STXBP6: variants seen among roughly 807,000 people sequenced by gnomAD.
STXBP6 encodes the protein syntaxin-binding protein 6.
In STXBP6, 21 loss-of-function variants were observed where a neutral mutation model predicts 26.9. The ratio of observed to expected loss-of-function variants is 0.78; its 90% CI spans 0.55 to 1.12. STXBP6 has a LOEUF of 1.12. Ranked by LOEUF, STXBP6 falls within the 50% of genes most tolerant of loss-of-function variation. The pLI is 0.00. For synonymous variants in STXBP6, 97 were observed against 92.6 expected (o/e 1.05, Z -0.27); for missense variants, 232 against 257.9 (o/e 0.90, Z 0.69).
chr14:24,977,131 TG>T (rs2074069920), intron 1 of STXBP6, among the ~76,000 whole-genome samples: 1 of 148,872 alleles, frequency 6.7e-6, no homozygotes, highest in Non-Finnish European at 1.5e-5. Flanking sequence ...CCCTACGTGC[TG>T]GGATTACAGG....
intron 2 of STXBP6, among the ~76,000 whole-genome samples, chr14:24,892,637 C>A (rs2139549474): frequency 6.6e-6 from 1 of 152,330 alleles, no homozygotes; most frequent in South Asian, 2.1e-4. Flanking sequence ...TCGGAGCAGA[C>A]TGCCAGAGCA....
At chr14:24,919,794 A>T (rs2139803181) in intron 2 of STXBP6, among the ~76,000 whole-genome samples, 1 of 152,128 alleles carries the variant, frequency 6.6e-6, no homozygotes, top group South Asian at 2.1e-4. Flanking sequence ...GTATGTACTT[A>T]AGGATGGTGT....
At chr14:24,852,952 C>T (rs772309891) in intron 4 of STXBP6, among the ~76,000 whole-genome samples, 1 of 152,078 alleles carries the variant, frequency 6.6e-6, no homozygotes, top group Non-Finnish European at 1.5e-5. Flanking sequence ...GCTATTTGAT[C>T]TCTCTGATTC....
chr14:24,821,745 A>G (rs1053732688), intron 4 of STXBP6, among the ~76,000 whole-genome samples: 1 of 152,178 alleles, frequency 6.6e-6, no homozygotes, highest in Non-Finnish European at 1.5e-5. Context: ...TTAATTAAGT[A>G]CAATCACGGG....
chr14:25,049,522 T>C lies in STXBP6; in HGVS notation c.-33+356A>G, dbSNP rs114746317. 5,779 of 985,290 alleles carry C rather than the reference T, an allele frequency of 5.9e-3. 249 individuals are homozygous for C. In the African/African-American group the frequency reaches 0.091, roughly 15 times the overall value. The allele number at this position is 985,290 out of a possible 1,614,324, so 61.0% of individuals were successfully genotyped here. On this transcript the variant is annotated intron_variant, in intron 1 of 5. Transcript: ENST00000323944. The surrounding 1 kb of genome is among the most constrained non-coding windows in gnomAD (Gnocchi z 5.6). ...CTCGGGGCAGCATTCTCGGGGCCCA[T>C]GCCATCGCGGGGACGGTGCGGAAAA...
chr14:24,925,964 A>G (rs761689957), intron 2 of STXBP6, among the ~76,000 whole-genome samples: 4 of 152,140 alleles, frequency 2.6e-5, no homozygotes, highest in Non-Finnish European at 5.9e-5. Context: ...CCTTTCCTAG[A>G]AAACTGGGAA....
At position 25,002,359 on chromosome 14, in the gene STXBP6, CT is replaced by C. The variant is rs747010332; in HGVS notation, c.-32-27510del. Among the ~76,000 whole-genome samples, 559 of 121,326 alleles carry C rather than the reference CT, an allele frequency of 4.6e-3. 9 individuals carry two copies. Among genetic ancestry groups the C allele is most frequent in the Middle Eastern group, 9.1e-3 (2 of 220 alleles). 79.6% of individuals were successfully genotyped at this position (121,326 alleles called of 152,430 possible). A position where few individuals can be genotyped will look rare whatever the true frequency, so the allele number is the denominator to read the frequency against. ...ATCCCATACAGTTAAATTCTTATGACTTTTTTTTTTTTTTTTTTGAGACACA... is the reference window on the plus strand; with the variant it reads ...ATCCCATACAGTTAAATTCTTATGACTTTTTTTTTTTTTTTTTGAGACACA... On this transcript the variant is annotated intron_variant, in intron 1 of 5. Coordinates refer to ENST00000323944, the MANE Select transcript of STXBP6 (RefSeq NM_001394410.1).
chr14:24,821,913 C>T (rs997644291), intron 4 of STXBP6, among the ~76,000 whole-genome samples: 1 of 152,074 alleles, frequency 6.6e-6, no homozygotes, highest in Non-Finnish European at 1.5e-5. Flanking sequence ...TTATTTTCTT[C>T]TATCTGGGAT....
At chr14:24,889,492 C>T (rs1036203352) in intron 2 of STXBP6, among the ~76,000 whole-genome samples, 2 of 149,114 alleles carry the variant, frequency 1.3e-5, no homozygotes, top group African/African-American at 5.0e-5. Flanking sequence ...GTGCAGCACA[C>T]CAACATGGCA....
At chr14:24,880,853 A>G (rs2070331359) in intron 2 of STXBP6, among the ~76,000 whole-genome samples, 2 of 152,238 alleles carry the variant, frequency 1.3e-5, no homozygotes, top group South Asian at 4.1e-4. Flanking sequence ...AAGAGTTAGC[A>G]GAACAGCACT....
At chr14:24,939,461 CTT>C (rs35988306) in intron 2 of STXBP6, among the ~76,000 whole-genome samples, 40 of 145,412 alleles carry the variant, frequency 2.8e-4, no homozygotes, top group Admixed American at 5.5e-4. Context: ...TCTACATTAC[CTT>C]TTTTTTTTTT....
intron 4 of STXBP6, among the ~76,000 whole-genome samples, chr14:24,831,173 C>T (rs2068444959): frequency 6.6e-6 from 1 of 151,952 alleles, no homozygotes; most frequent in African/African-American, 2.4e-5. Flanking sequence ...AGTTATGATA[C>T]CTAAAGTAAA....
chr14:24,898,235 G>T (rs1051253736), intron 2 of STXBP6, among the ~76,000 whole-genome samples: 10 of 152,178 alleles, frequency 6.6e-5, no homozygotes, highest in Non-Finnish European at 1.5e-4. Context: ...ACAGGACAAG[G>T]TGTCCATTAT....
chr14:24,812,823 A>C, intron 5 of STXBP6, 91 bp from the exon 6 acceptor site: 2 of 1,253,348 alleles, frequency 1.6e-6, no homozygotes, highest in Non-Finnish European at 2.3e-6. Context: ...CACCTCCACA[A>C]TGAGAAGCAG....
intron 1 of STXBP6, among the ~76,000 whole-genome samples, chr14:25,015,217 C>T (rs1180902288): frequency 6.6e-6 from 1 of 152,060 alleles, no homozygotes; most frequent in Non-Finnish European, 1.5e-5. Context: ...AAGAGAACTG[C>T]TTTAAAAAAA....
At chr14:24,917,228 T>C (rs1408196862) in intron 2 of STXBP6, among the ~76,000 whole-genome samples, 1 of 152,076 alleles carries the variant, frequency 6.6e-6, no homozygotes, top group African/African-American at 2.4e-5. Context: ...AAAAATCTCA[T>C]ATTATTAAGG....
At chr14:24,969,643 T>C (rs2073842151) in intron 2 of STXBP6, among the ~76,000 whole-genome samples, 1 of 152,216 alleles carries the variant, frequency 6.6e-6, no homozygotes, top group Non-Finnish European at 1.5e-5. Flanking sequence ...ATTGTCCCTA[T>C]TGAGCAATGT....
At chr14:25,031,812 T>C (rs1357107606) in intron 1 of STXBP6, among the ~76,000 whole-genome samples, 1 of 151,970 alleles carries the variant, frequency 6.6e-6, no homozygotes, top group Admixed American at 6.6e-5. Context: ...CCATCTCTAG[T>C]TATTTTAAGA....
intron 1 of STXBP6, among the ~76,000 whole-genome samples, chr14:25,020,485 T>C (rs1057219456): frequency 6.6e-6 from 1 of 152,106 alleles, no homozygotes; most frequent in Non-Finnish European, 1.5e-5. Context: ...CTGACCAAAT[T>C]CTGCCTCTCC....
Sources: allele counts gnomAD v4.1 joint callset (sites outside exome capture counted in the v4.1 genomes callset), GRCh38; gene constraint gnomAD v4.1.1; non-coding constraint Gnocchi (gnomAD v3.1); transcripts MANE v1.5; gene names NCBI Gene and HGNC (gene_info 2026-07-23, HGNC 2026-07-21).